UST: variants seen among roughly 807,000 people sequenced by gnomAD.
UST encodes the protein chondroitin sulfate 2-O-sulfotransferase.
Under a neutral mutation model 45.6 loss-of-function variants are expected in UST, and 21 were observed. The ratio of observed to expected loss-of-function variants is 0.46; its 90% CI spans 0.33 to 0.66. UST has a LOEUF of 0.66. UST is among the 30% of genes least tolerant of loss of function. The pLI is 0.02. For synonymous variants in UST, 215 were observed against 200.6 expected (o/e 1.07, Z -0.61); for missense variants, 463 against 512.4 (o/e 0.90, Z 0.93).
At chr6:149,005,475 T>C in intron 5 of UST, 1 of 985,346 alleles carries the variant, frequency 1.0e-6, no homozygotes. Context: ...TCTCACCAAA[T>C]TGACAGTGGG....
chr6:148,929,756 A>G (rs1779887286), intron 2 of UST, among the ~76,000 whole-genome samples: 1 of 152,206 alleles, frequency 6.6e-6, no homozygotes, highest in Non-Finnish European at 1.5e-5. Flanking sequence ...GAAGTTCTTT[A>G]GCCATGTTTA....
chr6:148,974,387 T>C (rs1780976666), intron 5 of UST, among the ~76,000 whole-genome samples: 1 of 152,198 alleles, frequency 6.6e-6, no homozygotes, highest in African/African-American at 2.4e-5. Context: ...TGGTCTGGTT[T>C]ATAGTCATTG....
chr6:148,820,578 C>T (rs921952646), intron 1 of UST, among the ~76,000 whole-genome samples: 1 of 151,884 alleles, frequency 6.6e-6, no homozygotes, highest in Non-Finnish European at 1.5e-5. Context: ...AGGCCGGGCA[C>T]GGTGGCTCAT....
chr6:148,959,923 C>T (rs1184075815), intron 4 of UST, among the ~76,000 whole-genome samples: 1 of 151,854 alleles, frequency 6.6e-6, no homozygotes, highest in African/African-American at 2.4e-5. Flanking sequence ...GCCAGACCTC[C>T]CCACCATGCT....
chr6:148,837,827 C>T (rs576363255), intron 1 of UST, among the ~76,000 whole-genome samples: 3 of 152,222 alleles, frequency 2.0e-5, no homozygotes, highest in Non-Finnish European at 2.9e-5. Context: ...CTCAGTCCCC[C>T]AAGTAGCTGG....
chr6:149,037,899 G>A (rs1248184103), intron 7 of UST, among the ~76,000 whole-genome samples: 1 of 152,222 alleles, frequency 6.6e-6, no homozygotes, highest in African/African-American at 2.4e-5. Context: ...GGGTCAGCAA[G>A]GTAGAAGGCC....
At chr6:148,764,667 C>A (rs972086220) in intron 1 of UST, among the ~76,000 whole-genome samples, 4 of 152,108 alleles carry the variant, frequency 2.6e-5, no homozygotes, top group South Asian at 4.2e-4. Context: ...AGCTGTAAAA[C>A]CAGCAAGTTT....
intron 1 of UST, among the ~76,000 whole-genome samples, chr6:148,812,872 G>A (rs1380856270): frequency 6.6e-6 from 1 of 152,152 alleles, no homozygotes; most frequent in African/African-American, 2.4e-5. Flanking sequence ...TCACTGACAG[G>A]TCGTCTTCGA....
chr6:148,964,142 C>CAATG (rs1290389671), intron 4 of UST, among the ~76,000 whole-genome samples: 1 of 152,194 alleles, frequency 6.6e-6, no homozygotes, highest in Admixed American at 6.5e-5. Context: ...TTAACATGCA[C>CAATG]AATGGTGTGG....
intron 4 of UST, among the ~76,000 whole-genome samples, chr6:148,960,182 G>C (rs1055323007): frequency 6.6e-6 from 1 of 152,094 alleles, no homozygotes; most frequent in Non-Finnish European, 1.5e-5. Context: ...CCAACTACTT[G>C]GGAGACTGTG....
intron 1 of UST, among the ~76,000 whole-genome samples, chr6:148,834,212 A>T (rs932175336): frequency 6.6e-6 from 1 of 152,386 alleles, no homozygotes; most frequent in Non-Finnish European, 1.5e-5. Context: ...TTAAACAAAG[A>T]TAAATAACAT....
intron 1 of UST, among the ~76,000 whole-genome samples, chr6:148,819,293 A>G (rs1274443810): frequency 1.3e-5 from 2 of 152,244 alleles, no homozygotes; most frequent in African/African-American, 4.8e-5. Context: ...ACTTGTAAAA[A>G]TACCACTGTG....
intron 3 of UST, among the ~76,000 whole-genome samples, chr6:148,943,045 G>C (rs1449963947): frequency 6.6e-6 from 1 of 152,164 alleles, no homozygotes; most frequent in African/African-American, 2.4e-5. Context: ...GGTTCTCTTT[G>C]ATTACCTTAC....
chr6:148,993,947 A>G (rs1439370733), intron 5 of UST, among the ~76,000 whole-genome samples: 1 of 97,480 alleles, frequency 1.0e-5, no homozygotes, highest in African/African-American at 4.5e-5. Flanking sequence ...AGTCTTGAAT[A>G]TTTCTTTCCT....
chr6:148,984,281 C>T (rs560760716), intron 5 of UST, among the ~76,000 whole-genome samples: 12 of 152,036 alleles, frequency 7.9e-5, no homozygotes, highest in African/African-American at 2.9e-4. Flanking sequence ...TCAGGGAAAA[C>T]AGACATTAAA....
At chr6:148,883,039 G>A (rs78821484) in intron 1 of UST, among the ~76,000 whole-genome samples, 2,468 of 152,272 alleles carry the variant, frequency 0.016, 45 homozygotes, top group Middle Eastern at 0.041. Context: ...GCGTATCCGC[G>A]CATCTCAATT....
chr6:149,033,296 G>A (rs975113627), intron 7 of UST, among the ~76,000 whole-genome samples: 1 of 152,218 alleles, frequency 6.6e-6, no homozygotes, highest in African/African-American at 2.4e-5. Flanking sequence ...CTGCCGGGGC[G>A]AAGTACAATC....
At chr6:148,816,287 A>G (rs1489944085) in intron 1 of UST, among the ~76,000 whole-genome samples, 3 of 152,226 alleles carry the variant, frequency 2.0e-5, no homozygotes, top group Non-Finnish European at 4.4e-5. Context: ...AGGATGAATG[A>G]CAGCTGATAT....
intron 2 of UST, among the ~76,000 whole-genome samples, chr6:148,926,123 A>G (rs147078668): frequency 1.3e-5 from 2 of 152,364 alleles, no homozygotes; most frequent in East Asian, 3.9e-4. Flanking sequence ...AAAGCAGCAC[A>G]CTTTATGAGA....
Sources: gnomAD v4.1 joint callset for allele counts (sites outside exome capture counted in the v4.1 genomes callset) on GRCh38, gnomAD v4.1.1 for gene constraint, MANE v1.5 for transcripts, NCBI Gene and HGNC (gene_info 2026-07-23, HGNC 2026-07-21) for gene names.